The following SPINK5 variants were observed in gnomAD, a reference collection of about 807,000 sequenced individuals.
The protein encoded by SPINK5 is serine protease inhibitor Kazal-type 5.
Under a neutral mutation model 151.8 loss-of-function variants are expected in SPINK5, and 125 were observed. That is an observed-to-expected ratio of 0.82 (90% CI 0.71 to 0.96). SPINK5 has a LOEUF of 0.96. SPINK5 is among the 40% of genes least tolerant of loss of function. The pLI is 0.00. For synonymous variants in SPINK5, 374 were observed against 395.3 expected (o/e 0.95, Z 0.64); for missense variants, 1,194 against 1,291.9 (o/e 0.92, Z 1.16).
intron 32 of SPINK5, among the ~76,000 whole-genome samples, chr5:148,135,895 A>C (rs1434824484): frequency 1.3e-5 from 2 of 152,142 alleles, no homozygotes; most frequent in African/African-American, 4.8e-5. Context: ...TCTATTATGC[A>C]ATAACTATTA....
At chr5:148,068,992 T>G (rs914307004) in intron 2 of SPINK5, among the ~76,000 whole-genome samples, 4 of 151,988 alleles carry the variant, frequency 2.6e-5, no homozygotes, top group African/African-American at 9.7e-5. Context: ...TCCCAGCTAC[T>G]CAGGGGGCTC....
intron 5 of SPINK5, among the ~76,000 whole-genome samples, chr5:148,088,233 T>A (rs1753211400): frequency 6.6e-6 from 1 of 151,840 alleles, no homozygotes; most frequent in Non-Finnish European, 1.5e-5. Flanking sequence ...TGTTATCTAT[T>A]ATCCAGTTAC....
At chr5:148,081,766 A>AT (rs1753027881) in intron 4 of SPINK5, among the ~76,000 whole-genome samples, 5 of 151,692 alleles carry the variant, frequency 3.3e-5, no homozygotes, top group African/African-American at 1.2e-4. Flanking sequence ...GTATATAACT[A>AT]ATACCTCAAT....
At chr5:148,066,690 G>GA (rs1752595581) in intron 2 of SPINK5, among the ~76,000 whole-genome samples, 10 of 151,824 alleles carry the variant, frequency 6.6e-5, no homozygotes, top group Admixed American at 6.6e-4. Flanking sequence ...TTTTATACTG[G>GA]GAAAAAAGAA....
At chr5:148,131,445 T>C (rs1256176157) in intron 31 of SPINK5, 56 bp downstream of exon 31, 2 of 1,609,364 alleles carry the variant, frequency 1.2e-6, no homozygotes, top group Non-Finnish European at 8.5e-7. Flanking sequence ...TCAGCTAGAG[T>C]GTTAACCCAT....
chr5:148,122,223 G>A (rs914153637), intron 26 of SPINK5, among the ~76,000 whole-genome samples: 7 of 152,122 alleles, frequency 4.6e-5, no homozygotes, highest in African/African-American at 1.7e-4. Flanking sequence ...TTGCAATACA[G>A]TCAGAGGAGT....
chr5:148,111,933 G>A, intron 19 of SPINK5, 38 bp downstream of exon 19: 1 of 1,613,742 alleles, frequency 6.2e-7, no homozygotes, highest in South Asian at 1.1e-5. Context: ...CTGAGTGTGG[G>A]AGAAGATCAG....
intron 2 of SPINK5, 98 bp from the exon 3 acceptor site, chr5:148,070,225 A>T: frequency 7.1e-7 from 1 of 1,400,262 alleles, no homozygotes; most frequent in Admixed American, 1.9e-5. Context: ...GTGTGTGTAT[A>T]TATATGCAGA....
At chr5:148,066,790 G>A (rs1752598597) in intron 2 of SPINK5, among the ~76,000 whole-genome samples, 1 of 152,064 alleles carries the variant, frequency 6.6e-6, no homozygotes. Context: ...CAGATACTGT[G>A]AATTTTACAC....
Position 148,107,128 on chromosome 5 carries a change from T to A in SPINK5, c.1571T>A (p.Met524Lys). The change falls in exon 17 of 33, where the codon ATG becomes AAG. Residue 524 changes from methionine (M) to lysine (K), a missense_variant. Transcript: ENST00000256084. ...CCTGTCCGTGGCCCAGATGGCAAAATGCATGGAAACAAGTGTGCCATGTGT... is the reference window on the plus strand; with the variant it reads ...CCTGTCCGTGGCCCAGATGGCAAAAAGCATGGAAACAAGTGTGCCATGTGT... ...HNPVRGPDGK[M>K]HGNKCAMCAS... 2 of 1,612,994 alleles carry A rather than the reference T, an allele frequency of 1.2e-6. No homozygotes were observed. Among genetic ancestry groups the A allele is most frequent in the Non-Finnish European group, 1.7e-6 (2 of 1,179,332 alleles).
chr5:148,136,985 C>T lies in SPINK5; in HGVS notation c.3189C>T (p.Asp1063=), dbSNP rs200751535. ...AACCTACCCATCTTCTCTTCTAGGA[C>T]GAATGACAGGAAGATTGTTGAAAGC... ...GTTAASMPPS[D]E The change falls in exon 33 of 33, where the codon GAC becomes GAT. Residue 1063 remains aspartate (D), a splice_region_variant and synonymous_variant. Coordinates refer to ENST00000256084, the MANE Select transcript of SPINK5 (RefSeq NM_006846.4). The T allele has an allele frequency of 1.7e-4, 273 of 1,613,582 alleles. 1 individual carries two copies. Among genetic ancestry groups the T allele is most frequent in the Middle Eastern group, 9.9e-4 (6 of 6,060 alleles).
At chr5:148,125,685 G>T in intron 28 of SPINK5, 38 bp from the exon 29 acceptor site, 2 of 1,614,136 alleles carry the variant, frequency 1.2e-6, no homozygotes, top group Non-Finnish European at 1.7e-6. Flanking sequence ...GCCAAAAAGG[G>T]ACAAAGCCAT....
intron 24 of SPINK5, 34 bp downstream of exon 24, chr5:148,119,092 C>G: frequency 1.3e-6 from 2 of 1,593,726 alleles, no homozygotes; most frequent in Non-Finnish European, 1.7e-6. Flanking sequence ...CAAGAATCGT[C>G]TTTCTGTGAG....
chr5:148,094,548 A>T, intron 9 of SPINK5, 67 bp downstream of exon 9: 2 of 1,609,026 alleles, frequency 1.2e-6, no homozygotes, highest in Non-Finnish European at 1.7e-6. Context: ...TGGATTGATG[A>T]GTAAAAATAA....
At chr5:148,105,879 C>T (rs182860512) in intron 16 of SPINK5, among the ~76,000 whole-genome samples, 9 of 151,672 alleles carry the variant, frequency 5.9e-5, no homozygotes, top group Non-Finnish European at 1.3e-4. Flanking sequence ...TCACCTTGGC[C>T]TCCCAAAGTC....
At chr5:148,080,677 A>G in intron 4 of SPINK5, among the ~76,000 whole-genome samples, 1 of 151,440 alleles carries the variant, frequency 6.6e-6, no homozygotes, top group Non-Finnish European at 1.5e-5. Flanking sequence ...TAAAAGCTAA[A>G]TATATGAAAC....
chr5:148,105,049 T>A, intron 16 of SPINK5, 49 bp downstream of exon 16: 1 of 1,555,882 alleles, frequency 6.4e-7, no homozygotes, highest in Non-Finnish European at 8.9e-7. Context: ...TTTTCATTTC[T>A]TTATAATTCT....
At chr5:148,107,308 T>C (rs878918367) in intron 17 of SPINK5, 144 bp downstream of exon 17, 4 of 1,124,504 alleles carry the variant, frequency 3.6e-6, no homozygotes, top group South Asian at 2.6e-5. Flanking sequence ...CATTAAGTAA[T>C]ATTGAATCAT....
chr5:148,120,443 G>A (rs1581102332), intron 26 of SPINK5, 52 bp downstream of exon 26: 12 of 1,547,534 alleles, frequency 7.8e-6, no homozygotes, highest in Non-Finnish European at 1.1e-5. Context: ...TCATTGTATG[G>A]TATATTTATT....
Sources: allele counts gnomAD v4.1 joint callset (sites outside exome capture counted in the v4.1 genomes callset), GRCh38; gene constraint gnomAD v4.1.1; transcripts MANE v1.5; gene names NCBI Gene and HGNC (gene_info 2026-07-23, HGNC 2026-07-21).